The following DOCK9 variants were observed in gnomAD, a reference collection of about 807,000 sequenced individuals.
DOCK9 encodes dedicator of cytokinesis protein 9.
DOCK9 carries 89 observed loss-of-function variants against 263.3 expected under a neutral mutation model. The ratio of observed to expected loss-of-function variants is 0.34; its 90% CI spans 0.28 to 0.40. The LOEUF (loss-of-function observed/expected upper bound fraction) is 0.40. DOCK9 is among the 10% of genes least tolerant of loss of function. DOCK9 has a pLI of 1.00. For missense variants in DOCK9, 2,140 were observed against 2,603.4 expected (o/e 0.82, Z 3.87); for synonymous variants, 976 against 973.1 (o/e 1.00, Z -0.06).
intron 1 of DOCK9, among the ~76,000 whole-genome samples, chr13:98,985,805 G>GA (rs397824071): frequency 3.1e-5 from 1 of 31,928 alleles, no homozygotes; most frequent in Non-Finnish European, 6.8e-5. Context: ...TTTGAGCGCT[G>GA]GTGAGGAGGG....
intron 9 of DOCK9, 96 bp from the exon 10 acceptor site, chr13:98,904,802 G>A (rs2048841349): frequency 8.2e-6 from 9 of 1,098,206 alleles, no homozygotes; most frequent in African/African-American, 1.6e-5. Context: ...TGAAGGTTGA[G>A]GCTGCTGGAA....
intron 1 of DOCK9, among the ~76,000 whole-genome samples, chr13:99,071,991 C>T (rs887149825): frequency 4.6e-5 from 7 of 152,278 alleles, no homozygotes; most frequent in Admixed American, 6.5e-5. Flanking sequence ...TGTCTATTAG[C>T]GCTTGAATTT....
intron 23 of DOCK9, among the ~76,000 whole-genome samples, chr13:98,882,774 G>A (rs1249911255): frequency 6.6e-6 from 1 of 152,210 alleles, no homozygotes; most frequent in Non-Finnish European, 1.5e-5. Flanking sequence ...AGGGAGGTCC[G>A]TCTCAAGTGA....
chr13:98,946,039 G>A (rs114531437), intron 2 of DOCK9, among the ~76,000 whole-genome samples: 1,210 of 111,862 alleles, frequency 0.011, 9 homozygotes, highest in African/African-American at 0.038. Context: ...AGCCTCGCGG[G>A]GGAGACAGGA....
chr13:99,062,642 C>T (rs932601841), intron 1 of DOCK9, among the ~76,000 whole-genome samples: 5 of 152,200 alleles, frequency 3.3e-5, no homozygotes, highest in Non-Finnish European at 7.3e-5. Flanking sequence ...ATATCGCCAT[C>T]CGCTGCCTGC....
upstream of DOCK9, among the ~76,000 whole-genome samples, chr13:98,979,236 A>AGCGGCG (rs141086822): frequency 6.9e-6 from 1 of 144,128 alleles, no homozygotes; most frequent in African/African-American, 2.6e-5. Context: ...TAGTAGCAGC[A>AGCGGCG]GCGGCGGCAG....
intron 1 of DOCK9, among the ~76,000 whole-genome samples, chr13:99,080,998 A>G (rs1290688568): frequency 6.6e-6 from 1 of 152,206 alleles, no homozygotes; most frequent in East Asian, 1.9e-4. Context: ...TGTCCTCCTG[A>G]CAGTGTACTA....
intron 1 of DOCK9, among the ~76,000 whole-genome samples, chr13:99,008,185 CCTCTCTCTCTCTCTCTCT>C (rs370963218): frequency 2.0e-5 from 2 of 100,984 alleles, no homozygotes; most frequent in Admixed American, 2.4e-4. Context: ...TATTGTGCAG[CCTCTCTCTCTCTCTCTCT>C]CTCTCTCTCT....
At chr13:98,932,439 C>CA (rs1433822592) in intron 2 of DOCK9, among the ~76,000 whole-genome samples, 2 of 151,042 alleles carry the variant, frequency 1.3e-5, no homozygotes, top group Non-Finnish European at 3.0e-5. Flanking sequence ...AACAAAAAAA[C>CA]AGATCATAGT....
At chr13:98,930,888 C>A (rs2053810493) in intron 2 of DOCK9, among the ~76,000 whole-genome samples, 1 of 152,226 alleles carries the variant, frequency 6.6e-6, no homozygotes, top group Non-Finnish European at 1.5e-5. Flanking sequence ...AGGTGATCCA[C>A]CCGCCTCGGC....
intron 2 of DOCK9, among the ~76,000 whole-genome samples, chr13:98,941,811 G>A (rs573497058): frequency 4.6e-5 from 7 of 152,270 alleles, no homozygotes; most frequent in South Asian, 2.1e-4. Flanking sequence ...CCCTAGAGGC[G>A]AGAATAGAGG....
intron 45 of DOCK9, among the ~76,000 whole-genome samples, chr13:98,811,779 T>G (rs2091318883): frequency 6.6e-6 from 1 of 152,240 alleles, no homozygotes; most frequent in Non-Finnish European, 1.5e-5. Context: ...GTTTATCAAG[T>G]TTTTATTTCC....
intron 15 of DOCK9, among the ~76,000 whole-genome samples, chr13:98,890,978 T>A (rs977131458): frequency 1.3e-5 from 2 of 152,224 alleles, no homozygotes; most frequent in Non-Finnish European, 2.9e-5. Flanking sequence ...ATTTTTCACA[T>A]GTTCCGCCTT....
At chr13:98,925,771 C>T (rs769933282) in intron 4 of DOCK9, 66 bp downstream of exon 4, 11 of 1,115,718 alleles carry the variant, frequency 9.9e-6, no homozygotes, top group Non-Finnish European at 1.3e-5. Context: ...TATGAAGTTA[C>T]ATACCTCCCC....
At chr13:99,073,357 CTTT>C (rs1273548488) in intron 1 of DOCK9, among the ~76,000 whole-genome samples, 5 of 112,832 alleles carry the variant, frequency 4.4e-5, no homozygotes, top group African/African-American at 1.6e-4. Context: ...TCTTCTTCTT[CTTT>C]TCTCTCTCTC....
intron 34 of DOCK9, chr13:98,854,616 G>A (rs1475116161): frequency 6.6e-6 from 1 of 152,076 alleles, no homozygotes; most frequent in African/African-American, 2.4e-5. Flanking sequence ...CTCTGGCAAA[G>A]GTGGAATCAT....
chr13:99,004,034 A>G (rs1882859987), intron 1 of DOCK9, among the ~76,000 whole-genome samples: 1 of 152,112 alleles, frequency 6.6e-6, no homozygotes, highest in Non-Finnish European at 1.5e-5. Context: ...TGGAATTACT[A>G]GCAGTTCCAA....
At chr13:99,002,144 C>G (rs1300922672) in intron 1 of DOCK9, among the ~76,000 whole-genome samples, 1 of 152,180 alleles carries the variant, frequency 6.6e-6, no homozygotes, top group Non-Finnish European at 1.5e-5. Context: ...AAAAGTAAAT[C>G]TATAAAAATT....
chr13:98,951,874 T>A (rs1034239392), intron 2 of DOCK9, among the ~76,000 whole-genome samples: 1 of 150,932 alleles, frequency 6.6e-6, no homozygotes, highest in African/African-American at 2.4e-5. Flanking sequence ...CCATGGCAGA[T>A]CACATGTACT....
Sources: allele counts gnomAD v4.1 joint callset (sites outside exome capture counted in the v4.1 genomes callset), GRCh38; gene constraint gnomAD v4.1.1; transcripts MANE v1.5; gene names NCBI Gene and HGNC (gene_info 2026-07-23, HGNC 2026-07-21).